Variants in NUP133 observed in about 807,000 individuals in gnomAD.
NUP133 encodes nucleoporin 133, also known as nuclear pore complex protein Nup133.
In NUP133, 66 loss-of-function variants were observed where a neutral mutation model predicts 146.2. The ratio of observed to expected loss-of-function variants is 0.45; its 90% CI spans 0.37 to 0.55. The LOEUF (loss-of-function observed/expected upper bound fraction) is 0.55. NUP133 is among the 20% of genes least tolerant of loss of function. The probability of loss-of-function intolerance (pLI) is 0.00; values close to 1 mark genes in which losing one functional copy is unlikely to be tolerated. For missense variants in NUP133, 1,277 were observed against 1,374.8 expected, an observed-to-expected ratio of 0.93 and a Z score of 1.12; for synonymous variants, 521 against 498.8, an observed-to-expected ratio of 1.04 and a Z score of -0.59.
intron 8 of NUP133, among the ~76,000 whole-genome samples, chr1:229,495,268 G>C (rs1661628629): frequency 6.6e-6 from 1 of 152,102 alleles, no homozygotes; most frequent in Non-Finnish European, 1.5e-5. Context: ...GCGCATGCTT[G>C]CAGTACCAGC....
chr1:229,488,566 C>T (rs1661419800), intron 9 of NUP133, among the ~76,000 whole-genome samples: 1 of 151,662 alleles, frequency 6.6e-6, no homozygotes, highest in African/African-American at 2.4e-5. Flanking sequence ...ATGTTTTCCA[C>T]ACTGCATAAT....
At chr1:229,446,087 C>T (rs1458872148) in intron 24 of NUP133, among the ~76,000 whole-genome samples, 2 of 152,104 alleles carry the variant, frequency 1.3e-5, no homozygotes, top group African/African-American at 2.4e-5. Context: ...TGGAAGTCCT[C>T]CTCTGCAGAA....
chr1:229,508,312 C>A lies in NUP133; in HGVS notation c.-63G>T, dbSNP rs1404256129. 2.4e-6 allele frequency: 3 copies of A among 1,268,804 alleles called. No individual in the cohort carries two copies. The highest frequency in any genetic ancestry group is 7.9e-5 in the Admixed American group (2 of 25,460). 78.6% of individuals were successfully genotyped at this position (1,268,804 alleles called of 1,614,324 possible). A position where few individuals can be genotyped will look rare whatever the true frequency, so the allele number is the denominator to read the frequency against. On this transcript the variant is annotated 5_prime_UTR_variant, in exon 1 of 26. Transcript: ENST00000261396. ...GGCCGTCAGGTTGCAGCCTGGCCTG[C>A]GCGCGGAACTTAAACACCTAAGGGA...
intron 2 of NUP133, among the ~76,000 whole-genome samples, chr1:229,503,135 G>A (rs11582781): frequency 0.016 from 2,426 of 152,034 alleles, 32 homozygotes; most frequent in South Asian, 0.044. Flanking sequence ...CCAGGCATGG[G>A]GGCATGGTGG....
At chr1:229,472,391 T>C (rs1372584052) in intron 14 of NUP133, among the ~76,000 whole-genome samples, 1 of 151,456 alleles carries the variant, frequency 6.6e-6, no homozygotes, top group African/African-American at 2.4e-5. Flanking sequence ...TTACTTTGCT[T>C]TGATTGCAGC....
intron 10 of NUP133, 69 bp from the exon 11 acceptor site, chr1:229,486,597 C>T: frequency 7.0e-7 from 1 of 1,428,452 alleles, no homozygotes; most frequent in Non-Finnish European, 9.5e-7. Context: ...AAAGCTACCA[C>T]CCTAAGCAGA....
intron 8 of NUP133, among the ~76,000 whole-genome samples, chr1:229,490,401 TA>T (rs201590753): frequency 0.063 from 7,974 of 127,372 alleles, 604 homozygotes; most frequent in African/African-American, 0.19. Flanking sequence ...TATTCAGTAG[TA>T]AAAAAAAAAA....
At chr1:229,476,687 A>G (rs2102767005) in intron 13 of NUP133, among the ~76,000 whole-genome samples, 2 of 151,580 alleles carry the variant, frequency 1.3e-5, no homozygotes, top group East Asian at 3.9e-4. Flanking sequence ...ACTTTGGGAG[A>G]TCAAAGCGGG....
chr1:229,452,505 A>T lies in NUP133; in HGVS notation c.3099+20T>A. 1 of 1,577,614 alleles carries T rather than the reference A, an allele frequency of 6.3e-7. No individual in the cohort carries two copies. Among genetic ancestry groups the T allele is most frequent in the African/African-American group, 1.3e-5 (1 of 74,242 alleles). On this transcript the variant is annotated intron_variant, in intron 22 of 25. Transcript: ENST00000261396. ...GTTTTGAGTTTAAGAAATAGCGTTA[A>T]GGATTTGAAAAGCACATACACCAAT...
intron 5 of NUP133, 79 bp downstream of exon 5, chr1:229,499,605 T>A: frequency 2.7e-6 from 4 of 1,483,902 alleles, no homozygotes; most frequent in Non-Finnish European, 3.6e-6. Flanking sequence ...CCCACCTCTA[T>A]TTAAAAATAA....
chr1:229,492,777 A>C (rs1661558168), intron 8 of NUP133, among the ~76,000 whole-genome samples: 1 of 152,002 alleles, frequency 6.6e-6, no homozygotes, highest in Non-Finnish European at 1.5e-5. Flanking sequence ...GGGTGGGAGG[A>C]GGGTAAGGTA....
chr1:229,449,007 A>T (rs1169522211), intron 24 of NUP133, 119 bp downstream of exon 24: 1 of 751,262 alleles, frequency 1.3e-6, no homozygotes, highest in Non-Finnish European at 2.3e-6. Flanking sequence ...CCAGTGTAGG[A>T]GGTGGGAAAT....
At chr1:229,499,581 C>A in intron 5 of NUP133, 103 bp downstream of exon 5, 5 of 1,243,156 alleles carry the variant, frequency 4.0e-6, no homozygotes, top group Non-Finnish European at 5.5e-6. Context: ...ATTGCCTGGG[C>A]AACATAAGGA....
intron 2 of NUP133, among the ~76,000 whole-genome samples, chr1:229,502,557 T>TTA (rs1377575268): frequency 3.3e-5 from 1 of 30,378 alleles, no homozygotes; most frequent in Non-Finnish European, 5.5e-5. Context: ...AGACTCCATC[T>TTA]CAAAAAAAAA....
intron 25 of NUP133, among the ~76,000 whole-genome samples, chr1:229,443,723 A>AT (rs71561738): frequency 0.02 from 2,308 of 116,136 alleles, 32 homozygotes; most frequent in Non-Finnish European, 0.026. Context: ...CACATATATA[A>AT]TTTTTTTTTT....
intron 25 of NUP133, among the ~76,000 whole-genome samples, chr1:229,444,247 C>T (rs1224281338): frequency 6.6e-6 from 1 of 151,980 alleles, no homozygotes; most frequent in East Asian, 1.9e-4. Context: ...AGGAGAATCA[C>T]TTGAACCCAG....
intron 9 of NUP133, among the ~76,000 whole-genome samples, chr1:229,488,913 T>C (rs1253608921): frequency 6.6e-6 from 1 of 152,190 alleles, no homozygotes; most frequent in African/African-American, 2.4e-5. Flanking sequence ...AAAATGAATT[T>C]ATAGATGTTC....
chr1:229,447,617 A>C (rs1660330439), intron 24 of NUP133, among the ~76,000 whole-genome samples: 1 of 150,080 alleles, frequency 6.7e-6, no homozygotes, highest in South Asian at 2.3e-4. Flanking sequence ...GAGGGGCTGA[A>C]GGTTAAATTG....
rs745782994 is a variant in NUP133, at chr1:229,450,516, T to G, written c.3180+9A>C. On this transcript the variant is annotated intron_variant, in intron 23 of 25. Coordinates refer to ENST00000261396, the MANE Select transcript of NUP133 (RefSeq NM_018230.3). ...GTTGCCTGAGATCATCTCAAGCAATTTTACTTACCTCATCAATATATTCCA... is the reference window on the plus strand; with the variant it reads ...GTTGCCTGAGATCATCTCAAGCAATGTTACTTACCTCATCAATATATTCCA... 2.0e-5 allele frequency: 30 copies of G among 1,495,630 alleles called. No individual in the cohort carries two copies. Among genetic ancestry groups the G allele is most frequent in the Non-Finnish European group, 2.7e-5 (30 of 1,091,060 alleles). The allele number at this position is 1,495,630 out of a possible 1,614,324, so 92.6% of individuals were successfully genotyped here.
Sources: allele counts gnomAD v4.1 joint callset (sites outside exome capture counted in the v4.1 genomes callset), GRCh38; gene constraint gnomAD v4.1.1; transcripts MANE v1.5; gene names NCBI Gene and HGNC (gene_info 2026-07-23, HGNC 2026-07-21).